Variants in ITGB1BP1 observed in about 807,000 individuals in gnomAD.
ITGB1BP1 encodes integrin beta-1-binding protein 1.
In ITGB1BP1, 20 loss-of-function variants were observed where a neutral mutation model predicts 28.0. The observed-to-expected ratio is 0.71, with a 90% CI of 0.50 to 1.04. The LOEUF is 1.04. Among genes scored for constraint, ITGB1BP1 ranks in the 50% least tolerant of loss-of-function variants. The pLI is 0.00. For synonymous variants in ITGB1BP1, 103 were observed against 89.5 expected (o/e 1.15, Z -0.85); for missense variants, 228 against 242.5 (o/e 0.94, Z 0.40).
rs1175216735 is a variant in ITGB1BP1 at position 9,404,506 on chromosome 2, G to T, written c.*2328C>A. ...ACTCATTCGTTTAATGAACTTGACT[G>T]TCATACCTCTATTTAGTAATTGCGA... On this transcript the variant is annotated 3_prime_UTR_variant, in exon 7 of 7. Transcript: ENST00000355346. 1 of 152,216 alleles carries T rather than the reference G, an allele frequency of 6.6e-6. No homozygotes were observed. The highest frequency in any genetic ancestry group is 1.5e-5 in the Non-Finnish European group (1 of 68,044). The allele number at this position is 152,216 out of a possible 1,614,324, so 9.4% of individuals were successfully genotyped here.
rs1677141133 is a variant in ITGB1BP1 at position 9,405,453 on chromosome 2, G to T, written c.*1381C>A. ...GAGTAACTGTGTGATCTGTTAAGGG[G>T]TGGATAACATAATATGCAGCTTAGG... On this transcript the variant is annotated 3_prime_UTR_variant, in exon 7 of 7. Transcript: ENST00000355346. The T allele has an allele frequency of 6.6e-6, 1 of 152,616 alleles. No individual in the cohort carries two copies. The highest frequency in any genetic ancestry group is 2.1e-4 in the South Asian group (1 of 4,832). The allele number at this position is 152,616 out of a possible 1,614,324, so 9.5% of individuals were successfully genotyped here.
At chr2:9,410,295 A>G (rs1225352193) in intron 4 of ITGB1BP1, among the ~76,000 whole-genome samples, 1 of 152,056 alleles carries the variant, frequency 6.6e-6, no homozygotes, top group Non-Finnish European at 1.5e-5. Flanking sequence ...GCAGTGGTAC[A>G]ATGATGGCTC....
At position 9,404,188 on chromosome 2, in the gene ITGB1BP1, T is replaced by G. The variant is rs1323943326; in HGVS notation, c.*2646A>C. 2.0e-5 allele frequency: 3 copies of G among 152,214 alleles called. No homozygotes were observed. Among genetic ancestry groups the G allele is most frequent in the East Asian group, 1.9e-4 (1 of 5,194 alleles). 9.4% of individuals were successfully genotyped at this position (152,214 alleles called of 1,614,324 possible). ...TTCTGTGGCGCAGACCATGCTGTATTAACACATCACTTGCTGTTTCCTACT... is the reference window on the plus strand; with the variant it reads ...TTCTGTGGCGCAGACCATGCTGTATGAACACATCACTTGCTGTTTCCTACT... On this transcript the variant is annotated 3_prime_UTR_variant, in exon 7 of 7. Transcript: ENST00000355346.
chr2:9,411,060 G>A lies in ITGB1BP1; in HGVS notation c.288+1209C>T, dbSNP rs538012803. The stretch of plus-strand genomic sequence containing the variant: ...CTTTCTTTTTTTTTCTCTCATTACC[G>A]AATTCACTCTTTTGGCTCATGTACT... On this transcript the variant is annotated intron_variant, in intron 4 of 6. Coordinates refer to ENST00000355346, the MANE Select transcript of ITGB1BP1 (RefSeq NM_004763.5). Among the ~76,000 whole-genome samples, 35 of 151,676 alleles carry A rather than the reference G, an allele frequency of 2.3e-4. No individual in the cohort carries two copies. The South Asian group carries it at 6.7e-3, about 29-fold the overall frequency.
In ITGB1BP1 at chr2:9,406,713, T is replaced by G; in HGVS notation, c.*121A>C. 1.4e-6 allele frequency: 1 copy of G among 729,966 alleles called. No homozygotes were observed. The highest frequency in any genetic ancestry group is 2.6e-5 in the East Asian group (1 of 38,294). The allele number at this position is 729,966 out of a possible 1,614,324, so 45.2% of individuals were successfully genotyped here. A position where few individuals can be genotyped will look rare whatever the true frequency, so the allele number is the denominator to read the frequency against. On this transcript the variant is annotated 3_prime_UTR_variant, in exon 7 of 7. Coordinates refer to ENST00000355346, the MANE Select transcript of ITGB1BP1 (RefSeq NM_004763.5). ...AACAAATGATCAGCATTTTACACAA[T>G]CCATTTTCTTCAGAAAATCTAGAGC...
At position 9,405,583 on chromosome 2, in the gene ITGB1BP1, T is replaced by C. The variant is rs1184771493; in HGVS notation, c.*1251A>G. The stretch of plus-strand genomic sequence containing the variant: ...CGAAATTGATTATTTTCATTGTCCT[T>C]AATGCAGTGATTTATAATTAGAGCA... On this transcript the variant is annotated 3_prime_UTR_variant, in exon 7 of 7. Coordinates refer to ENST00000355346, the MANE Select transcript of ITGB1BP1 (RefSeq NM_004763.5). 1 of 152,656 alleles carries C rather than the reference T, an allele frequency of 6.6e-6. No homozygotes were observed. Among genetic ancestry groups the C allele is most frequent in the African/African-American group, 2.4e-5 (1 of 41,466 alleles). 9.5% of individuals were successfully genotyped at this position (152,656 alleles called of 1,614,324 possible).
rs1052891380 is a variant in ITGB1BP1 at position 9,415,177 on chromosome 2, G to A, written c.73-921C>T. ...GTGGATCACCTGAGGTCAGGAGTTC[G>A]AGACCAGCCTGGCCAACATGGTAAA... On this transcript the variant is annotated intron_variant, in intron 2 of 6. Transcript: ENST00000355346. The surrounding 1 kb of genome is among the most constrained non-coding windows in gnomAD (Gnocchi z 4.1). Among the ~76,000 whole-genome samples, 11 of 152,102 alleles carry A rather than the reference G, an allele frequency of 7.2e-5. No homozygotes were observed. Among genetic ancestry groups the A allele is most frequent in the Admixed American group, 6.6e-5 (1 of 15,262 alleles).
chr2:9,423,190 C>A (rs1380956571), intron 1 of ITGB1BP1, 183 bp downstream of exon 1: 2 of 1,063,724 alleles, frequency 1.9e-6, no homozygotes, highest in Non-Finnish European at 2.3e-6. Context: ...TGGTTCCAAG[C>A]TCCTCCACCC....
upstream of ITGB1BP1, chr2:9,423,531 G>T (rs1237128520): frequency 8.6e-7 from 1 of 1,167,026 alleles, no homozygotes; most frequent in Non-Finnish European, 1.1e-6. Context: ...AAGACTATGC[G>T]CAGGCGCAGT....
intron 2 of ITGB1BP1, among the ~76,000 whole-genome samples, chr2:9,414,468 G>A (rs746055122): frequency 5.9e-5 from 9 of 152,138 alleles, no homozygotes; most frequent in South Asian, 2.1e-4. Context: ...CTGTTCGTTC[G>A]TCCCATGACA....
rs973189223 is a variant in ITGB1BP1, at chr2:9,415,069, C to T, written c.73-813G>A. On this transcript the variant is annotated intron_variant, in intron 2 of 6. Transcript: ENST00000355346. The surrounding 1 kb of genome is among the most constrained non-coding windows in gnomAD (Gnocchi z 4.1). ...AACCAGCCTGGCCAACATGGTGAAA[C>T]CCCGTCTCTACTTAAAAAAAAAAAT... Among the ~76,000 whole-genome samples, 2 of 151,790 alleles carry T rather than the reference C, an allele frequency of 1.3e-5. No individual in the cohort carries two copies. Among genetic ancestry groups the T allele is most frequent in the Non-Finnish European group, 2.9e-5 (2 of 67,956 alleles).
intron 6 of ITGB1BP1, 170 bp downstream of exon 6, chr2:9,407,279 A>G (rs1677591830): frequency 1.4e-6 from 1 of 703,100 alleles, no homozygotes; most frequent in Non-Finnish European, 2.4e-6. Context: ...TATTTCACAA[A>G]CCTGCACTGT....
chr2:9,414,723 T>C (rs975948598), intron 2 of ITGB1BP1, among the ~76,000 whole-genome samples: 54 of 152,182 alleles, frequency 3.5e-4, no homozygotes, highest in African/African-American at 1.3e-3. Flanking sequence ...ATCTAGTAAA[T>C]GGCTCCAATC....
At chr2:9,416,843 C>A (rs1679205260) in intron 2 of ITGB1BP1, among the ~76,000 whole-genome samples, 1 of 152,100 alleles carries the variant, frequency 6.6e-6, no homozygotes, top group African/African-American at 2.4e-5. Flanking sequence ...GTAGAAACAC[C>A]TGGAATGAAT....
rs1464436867 is a variant in ITGB1BP1, at chr2:9,406,058, C to CTAG, written c.*775_*776insCTA. The CTAG allele has an allele frequency of 1.5e-3, 186 of 124,250 alleles. No homozygotes were observed. The highest frequency in any genetic ancestry group is 4.1e-3 in the Middle Eastern group (1 of 246). 7.7% of individuals were successfully genotyped at this position (124,250 alleles called of 1,614,324 possible). A position where few individuals can be genotyped will look rare whatever the true frequency, so the allele number is the denominator to read the frequency against. ...GTCACTGAGTGGACCTCTGTGACAT[C>CTAG]TCGTCTTCCTCAGGCCTTCAGTGTG... On this transcript the variant is annotated 3_prime_UTR_variant, in exon 7 of 7. Coordinates refer to ENST00000355346, the MANE Select transcript of ITGB1BP1 (RefSeq NM_004763.5).
intron 1 of ITGB1BP1, chr2:9,423,026 G>A (rs905871722): frequency 7.1e-6 from 7 of 990,954 alleles, no homozygotes; most frequent in African/African-American, 1.7e-5. Flanking sequence ...TGACAGCGAA[G>A]GGGACAGACA....
In ITGB1BP1 at chr2:9,406,680, T is replaced by C; in HGVS notation, c.*154A>G. 1.5e-6 allele frequency: 1 copy of C among 646,468 alleles called. No homozygotes were observed. Among genetic ancestry groups the C allele is most frequent in the African/African-American group, 1.8e-5 (1 of 55,186 alleles). 40.0% of individuals were successfully genotyped at this position (646,468 alleles called of 1,614,324 possible). A position where few individuals can be genotyped will look rare whatever the true frequency, so the allele number is the denominator to read the frequency against. ...TTAACTCACTGTGTAATAGGACACA[T>C]TTTAATAAACAAATGATCAGCATTT... On this transcript the variant is annotated 3_prime_UTR_variant, in exon 7 of 7. Coordinates refer to ENST00000355346, the MANE Select transcript of ITGB1BP1 (RefSeq NM_004763.5).
intron 5 of ITGB1BP1, 189 bp downstream of exon 5, chr2:9,407,924 C>A: frequency 1.7e-6 from 1 of 584,460 alleles, no homozygotes; most frequent in Non-Finnish European, 3.0e-6. Context: ...ATGGGCCCTT[C>A]CAACACAGGA....
At position 9,422,843 on chromosome 2, in the gene ITGB1BP1, C is replaced by T; in HGVS notation, c.-36+530G>A. 4.1e-6 allele frequency: 4 copies of T among 986,072 alleles called. No individual in the cohort carries two copies. In the South Asian group the frequency reaches 1.4e-4, roughly 35 times the overall value. 61.1% of individuals were successfully genotyped at this position (986,072 alleles called of 1,614,324 possible). ...TAACAGCCCCTTTCAAACGAGGATG[C>T]CAAAGCGCCCGAAGAGTCAGTGACC... On this transcript the variant is annotated intron_variant, in intron 1 of 6. Transcript: ENST00000355346.
Sources: allele counts gnomAD v4.1 joint callset (sites outside exome capture counted in the v4.1 genomes callset), GRCh38; gene constraint gnomAD v4.1.1; non-coding constraint Gnocchi (gnomAD v3.1); transcripts MANE v1.5; gene names NCBI Gene and HGNC (gene_info 2026-07-23, HGNC 2026-07-21).